TPPP: variants seen among roughly 807,000 people sequenced by gnomAD.
TPPP encodes tubulin polymerization-promoting protein.
In TPPP, 6 loss-of-function variants were observed where a neutral mutation model predicts 15.5. The ratio of observed to expected loss-of-function variants is 0.39; its 90% CI spans 0.21 to 0.77. The LOEUF is 0.77. TPPP is among the 30% of genes least tolerant of loss of function. TPPP has a pLI of 0.42. For synonymous variants in TPPP, 146 were observed against 133.9 expected, an observed-to-expected ratio of 1.09 and a Z score of -0.63; for missense variants, 269 against 307.2, an observed-to-expected ratio of 0.88 and a Z score of 0.93.
At chr5:693,055 C>A (rs537274797) in intron 1 of TPPP, among the ~76,000 whole-genome samples, 10,954 of 147,332 alleles carry the variant, frequency 0.074, 810 homozygotes, top group African/African-American at 0.26. Flanking sequence ...GCGGCCTTTG[C>A]AAAGCCTCCC....
At chr5:668,805 A>G (rs1364369857) in intron 2 of TPPP, among the ~76,000 whole-genome samples, 2 of 152,248 alleles carry the variant, frequency 1.3e-5, no homozygotes, top group Non-Finnish European at 2.9e-5. Context: ...GCCAGACCAC[A>G]GTGCTGTGAT....
chr5:677,126 G>T (rs1378173413), intron 2 of TPPP, among the ~76,000 whole-genome samples: 1 of 152,272 alleles, frequency 6.6e-6, no homozygotes, highest in Non-Finnish European at 1.5e-5. Flanking sequence ...CAAGGTGGTG[G>T]CCGGAGCCGC....
intron 2 of TPPP, 49 bp from the exon 3 acceptor site, chr5:666,172 T>C: frequency 1.3e-6 from 2 of 1,562,714 alleles, no homozygotes; most frequent in Non-Finnish European, 1.7e-6. Context: ...GGCCCAGGGC[T>C]GCCCTCCCCA....
intron 1 of TPPP, among the ~76,000 whole-genome samples, chr5:683,564 C>T (rs1032177027): frequency 4.9e-4 from 74 of 152,312 alleles, no homozygotes; most frequent in African/African-American, 1.8e-3. Context: ...CCTGGAGACA[C>T]TGCCCAGGAA....
chr5:678,787 C>T (rs1740534601), intron 1 of TPPP, among the ~76,000 whole-genome samples: 1 of 152,194 alleles, frequency 6.6e-6, no homozygotes, highest in South Asian at 2.1e-4. Flanking sequence ...TTGCAAGGCG[C>T]CCGCCCCCAG....
intron 2 of TPPP, among the ~76,000 whole-genome samples, chr5:675,033 GAGGGGGGTA>G: frequency 9.5e-6 from 1 of 105,112 alleles, no homozygotes; most frequent in Non-Finnish European, 2.0e-5. Context: ...GGGGAGCAGT[GAGGGGGGTA>G]CAGTATGGCT....
intron 1 of TPPP, chr5:692,609 T>C: frequency 1.0e-6 from 1 of 983,346 alleles, no homozygotes; most frequent in African/African-American, 1.8e-5. Context: ...AAAGGGCTCC[T>C]CAGATCTTCG....
At chr5:669,169 A>G (rs544394717) in intron 2 of TPPP, among the ~76,000 whole-genome samples, 19 of 152,266 alleles carry the variant, frequency 1.2e-4, no homozygotes, top group African/African-American at 4.3e-4. Flanking sequence ...GGGGAGACAG[A>G]GCCCCAGGGC....
chr5:671,425 G>A (rs911991220), intron 2 of TPPP, among the ~76,000 whole-genome samples: 2 of 152,190 alleles, frequency 1.3e-5, no homozygotes, highest in Admixed American at 6.5e-5. Context: ...CTCGGCCTGG[G>A]CAGGGCTTTG....
intron 2 of TPPP, among the ~76,000 whole-genome samples, chr5:673,255 C>A (rs929184244): frequency 6.6e-5 from 10 of 152,218 alleles, no homozygotes; most frequent in African/African-American, 2.4e-4. Flanking sequence ...CCCTGCTCCT[C>A]TCTCTTCCTG....
At chr5:681,568 G>A (rs1463711625) in intron 1 of TPPP, among the ~76,000 whole-genome samples, 1 of 152,180 alleles carries the variant, frequency 6.6e-6, no homozygotes, top group Non-Finnish European at 1.5e-5. Flanking sequence ...GCCCTGACCT[G>A]ACCCAGGTGT....
At chr5:700,590 T>C in the TPPP span, among the ~76,000 whole-genome samples, 336 of 152,042 alleles carry the variant, frequency 2.2e-3, 2 homozygotes, top group Non-Finnish European at 3.6e-3. Flanking sequence ...CATCTATAAA[T>C]ATTTTAAAAC....
At chr5:688,647 G>A (rs1413257352) in intron 1 of TPPP, among the ~76,000 whole-genome samples, 8 of 148,060 alleles carry the variant, frequency 5.4e-5, no homozygotes, top group Non-Finnish European at 1.1e-4. Context: ...CTGGGGACAC[G>A]TGGGCACTGA....
At chr5:697,223 C>G (rs556779158), upstream of TPPP, among the ~76,000 whole-genome samples, 2 of 151,158 alleles carry the variant, frequency 1.3e-5, no homozygotes, top group Non-Finnish European at 3.0e-5. Flanking sequence ...ACCCAGAGAA[C>G]GGCAGGTGAG....
At chr5:696,192 G>A (rs1741008132), upstream of TPPP, among the ~76,000 whole-genome samples, 1 of 139,014 alleles carries the variant, frequency 7.2e-6, no homozygotes, top group Non-Finnish European at 1.6e-5. Context: ...AGCCCTGGGT[G>A]GAAGGGATGG....
intron 2 of TPPP, among the ~76,000 whole-genome samples, chr5:675,614 C>T (rs768175839): frequency 6.6e-6 from 1 of 151,366 alleles, no homozygotes; most frequent in Non-Finnish European, 1.5e-5. Flanking sequence ...ACAGTGTGGC[C>T]GGGAGTGCAG....
intron 1 of TPPP, among the ~76,000 whole-genome samples, chr5:679,229 A>G (rs1261844849): frequency 6.6e-6 from 1 of 152,078 alleles, no homozygotes; most frequent in South Asian, 2.1e-4. Context: ...AGATCCCACA[A>G]ATTCCCCCAA....
rs1368207223 is a variant in TPPP at position 660,311 on chromosome 5, G to C, written c.*4791C>G. 6.6e-6 allele frequency: 1 copy of C among 151,970 alleles called. No individual in the cohort carries two copies. Among genetic ancestry groups the C allele is most frequent in the Non-Finnish European group, 1.5e-5 (1 of 68,006 alleles). The allele number at this position is 151,970 out of a possible 1,614,324, so 9.4% of individuals were successfully genotyped here. On this transcript the variant is annotated 3_prime_UTR_variant, in exon 4 of 4. Transcript: ENST00000360578. ...TTTCAAGTTTCTCTTAAGTTGTGCA[G>C]ATTTCCTTTGTGGTTTGGCTTGGTT...
In TPPP at chr5:677,877, C is replaced by T. The variant is rs772078187; in HGVS notation, c.184G>A (p.Gly62Arg). ...EEAFRRFAVH[G>R]DARATGREMH... Reference sequence around the variant, plus strand: ...TCCCTCCCGGTGGCCCTGGCGTCCCCGTGCACGGCAAAGCGCCGGAAGGCC... The same window carrying T: ...TCCCTCCCGGTGGCCCTGGCGTCCCTGTGCACGGCAAAGCGCCGGAAGGCC... The change falls in exon 2 of 4, where the codon GGG becomes AGG. Residue 62 changes from glycine (G) to arginine (R), a missense_variant. By Grantham distance (125) the Gly-to-Arg change is moderately radical (BLOSUM62 -2). Coordinates refer to ENST00000360578, the MANE Select transcript of TPPP (RefSeq NM_007030.3). 3.7e-6 allele frequency: 6 copies of T among 1,612,734 alleles called. No homozygotes were observed. The highest frequency in any genetic ancestry group is 2.7e-5 in the African/African-American group (2 of 74,944).
Sources: allele counts gnomAD v4.1 joint callset (sites outside exome capture counted in the v4.1 genomes callset), GRCh38; gene constraint gnomAD v4.1.1; transcripts MANE v1.5; gene names NCBI Gene and HGNC (gene_info 2026-07-23, HGNC 2026-07-21).